GPBP1: variants seen among roughly 807,000 people sequenced by gnomAD.
GPBP1 encodes the protein vasculin.
A neutral mutation model predicts 56.5 loss-of-function variants in GPBP1; 13 were observed. That is an observed-to-expected ratio of 0.23 (90% CI 0.15 to 0.37). GPBP1 has a LOEUF of 0.37. Ranked by LOEUF, GPBP1 falls within the 10% of genes least tolerant of loss-of-function variation. The pLI, the probability that GPBP1 is intolerant of heterozygous loss-of-function variation, is 1.00. For synonymous variants in GPBP1, 204 were observed against 188.9 expected (o/e 1.08, Z -0.66); for missense variants, 477 against 572.3 (o/e 0.83, Z 1.70).
intron 2 of GPBP1, among the ~76,000 whole-genome samples, chr5:57,202,051 T>G (rs528990770): frequency 6.6e-6 from 1 of 152,268 alleles, no homozygotes; most frequent in African/African-American, 2.4e-5. Context: ...TGGAGTGTAA[T>G]GGAGCGATCA....
intron 2 of GPBP1, among the ~76,000 whole-genome samples, chr5:57,181,572 G>A (rs868411638): frequency 1.3e-5 from 2 of 150,406 alleles, no homozygotes; most frequent in African/African-American, 4.9e-5. Flanking sequence ...CCAGGAGTTT[G>A]AAACCAGCCT....
At chr5:57,200,125 T>TCCCCG (rs1464790807) in intron 2 of GPBP1, among the ~76,000 whole-genome samples, 3 of 126,538 alleles carry the variant, frequency 2.4e-5, no homozygotes, top group African/African-American at 9.0e-5. Context: ...GCCTCACCCG[T>TCCCCG]CCCCGCCCCG....
chr5:57,244,497 C>T (rs1224378185), intron 6 of GPBP1, among the ~76,000 whole-genome samples: 1 of 152,214 alleles, frequency 6.6e-6, no homozygotes, highest in Non-Finnish European at 1.5e-5. Context: ...CTGGATTCCT[C>T]TCAGATGAGA....
intron 2 of GPBP1, among the ~76,000 whole-genome samples, chr5:57,200,225 A>G (rs1040803488): frequency 6.9e-6 from 1 of 145,586 alleles, no homozygotes; most frequent in Non-Finnish European, 1.5e-5. Context: ...CAAGGCATGG[A>G]TGCAGGCAGG....
intron 2 of GPBP1, among the ~76,000 whole-genome samples, chr5:57,183,618 A>G (rs916126864): frequency 3.9e-5 from 6 of 152,194 alleles, no homozygotes; most frequent in African/African-American, 1.2e-4. Context: ...ACTGTAGCCT[A>G]TGCACCAAAC....
intron 6 of GPBP1, among the ~76,000 whole-genome samples, chr5:57,245,311 G>A (rs995987080): frequency 2.6e-4 from 40 of 152,056 alleles, no homozygotes; most frequent in Admixed American, 2.2e-3. Flanking sequence ...GCACCATACC[G>A]GCTTTATCTT....
At chr5:57,200,046 T>C (rs1480746715) in intron 2 of GPBP1, among the ~76,000 whole-genome samples, 3 of 124,122 alleles carry the variant, frequency 2.4e-5, no homozygotes, top group South Asian at 5.2e-4. Flanking sequence ...TTTTTTTTTT[T>C]TTTCTGAAAC....
At chr5:57,233,348 T>C (rs769345543) in intron 5 of GPBP1, among the ~76,000 whole-genome samples, 33 of 152,282 alleles carry the variant, frequency 2.2e-4, no homozygotes, top group Admixed American at 4.6e-4. Flanking sequence ...TGTATTCTCA[T>C]GTTAGTGATC....
At chr5:57,179,875 G>A (rs962994481) in intron 2 of GPBP1, among the ~76,000 whole-genome samples, 6 of 152,176 alleles carry the variant, frequency 3.9e-5, no homozygotes, top group African/African-American at 1.4e-4. Flanking sequence ...GGGATTATGG[G>A]TGAGAGCCAC....
intron 2 of GPBP1, among the ~76,000 whole-genome samples, chr5:57,183,248 T>C (rs946339206): frequency 6.6e-6 from 1 of 152,086 alleles, no homozygotes; most frequent in Non-Finnish European, 1.5e-5. Flanking sequence ...ATGCCTGTAA[T>C]CCCAGCTACT....
At chr5:57,254,776 G>A (rs1303018418) in intron 10 of GPBP1, among the ~76,000 whole-genome samples, 3 of 151,676 alleles carry the variant, frequency 2.0e-5, no homozygotes, top group African/African-American at 7.3e-5. Context: ...TTGCATTTGA[G>A]AATTAATTTA....
chr5:57,213,665 A>G lies in GPBP1; in HGVS notation c.-57-409A>G, dbSNP rs139073562. On this transcript the variant is annotated intron_variant, in intron 2 of 11. Transcript: ENST00000506184. ...TAAATCAGATTTCAAATTTTATTTT[A>G]GGTGGGCACAAGACTACATCATAGA... Among the ~76,000 whole-genome samples, 86 of 152,292 alleles carry G rather than the reference A, an allele frequency of 5.6e-4. No homozygotes were observed. In the East Asian group the frequency reaches 0.014, roughly 26 times the overall value.
chr5:57,248,366 T>C (rs756369403), intron 8 of GPBP1, among the ~76,000 whole-genome samples: 5 of 152,010 alleles, frequency 3.3e-5, no homozygotes, highest in African/African-American at 9.6e-5. Context: ...ATAGCACTTA[T>C]ATTATTATAC....
intron 3 of GPBP1, among the ~76,000 whole-genome samples, chr5:57,222,287 T>C (rs1376386471): frequency 1.3e-5 from 2 of 152,168 alleles, no homozygotes; most frequent in African/African-American, 4.8e-5. Context: ...TATCTCCCCC[T>C]GCCCCACCAT....
rs1029852132 is a variant in GPBP1, at chr5:57,259,548, G to T, written c.1161-1632G>T. Among the ~76,000 whole-genome samples the T allele has an allele frequency of 3.9e-5, 6 of 152,318 alleles. No individual in the cohort carries two copies. The East Asian group carries it at 1.2e-3, about 29-fold the overall frequency. The stretch of plus-strand genomic sequence containing the variant: ...TCATTTAGACCATCCCTGAAGAACT[G>T]AGGGCCCTGGCAGTTTAACCGTGTC... On this transcript the variant is annotated intron_variant, in intron 10 of 11. Coordinates refer to ENST00000506184, the MANE Select transcript of GPBP1 (RefSeq NM_022913.4).
chr5:57,233,481 C>T (rs914520651), intron 5 of GPBP1, among the ~76,000 whole-genome samples: 5 of 152,098 alleles, frequency 3.3e-5, no homozygotes, highest in Admixed American at 2.0e-4. Flanking sequence ...TTTTGGCTCC[C>T]CCAAAAACTT....
intron 6 of GPBP1, among the ~76,000 whole-genome samples, chr5:57,242,108 A>G (rs1001085212): frequency 6.6e-6 from 1 of 152,206 alleles, no homozygotes; most frequent in Non-Finnish European, 1.5e-5. Context: ...GTTGTTACAC[A>G]GGACATAGAT....
intron 2 of GPBP1, among the ~76,000 whole-genome samples, chr5:57,182,064 C>T (rs1754074784): frequency 1.3e-5 from 2 of 151,986 alleles, no homozygotes; most frequent in African/African-American, 4.8e-5. Flanking sequence ...TGCTTTTGGT[C>T]TTTCCATTTT....
At chr5:57,185,561 G>A (rs1043965272) in intron 2 of GPBP1, among the ~76,000 whole-genome samples, 3 of 152,108 alleles carry the variant, frequency 2.0e-5, no homozygotes, top group African/African-American at 4.8e-5. Context: ...GAGCCACTAC[G>A]CCTGGCTAGT....
Sources: gnomAD v4.1 joint callset for allele counts (sites outside exome capture counted in the v4.1 genomes callset) on GRCh38, gnomAD v4.1.1 for gene constraint, MANE v1.5 for transcripts, NCBI Gene and HGNC (gene_info 2026-07-23, HGNC 2026-07-21) for gene names.